PCCB: variants seen among roughly 807,000 people sequenced by gnomAD.
The protein encoded by PCCB is propionyl-CoA carboxylase subunit beta.
Under a neutral mutation model 60.7 loss-of-function variants are expected in PCCB, and 43 were observed. The observed-to-expected ratio is 0.71, with a 90% CI of 0.55 to 0.91. The LOEUF is 0.91. Ranked by LOEUF, PCCB falls within the 40% of genes least tolerant of loss-of-function variation. The probability of loss-of-function intolerance (pLI) is 0.00; values close to 1 mark genes in which losing one functional copy is unlikely to be tolerated. For synonymous variants in PCCB, 276 were observed against 255.9 expected, an observed-to-expected ratio of 1.08 and a Z score of -0.75; for missense variants, 766 against 702.8, an observed-to-expected ratio of 1.09 and a Z score of -1.02.
At chr3:136,260,640 G>A in intron 4 of PCCB, 105 bp downstream of exon 4, 2 of 937,746 alleles carry the variant, frequency 2.1e-6, no homozygotes, top group Non-Finnish European at 3.4e-6. Context: ...TTGGGGTAGG[G>A]CAGAGGTATG....
At chr3:136,303,477 A>G (rs1934358184) in intron 9 of PCCB, among the ~76,000 whole-genome samples, 1 of 122,212 alleles carries the variant, frequency 8.2e-6, no homozygotes, top group African/African-American at 2.5e-5. Flanking sequence ...CTGAAGTTGT[A>G]TATTCTGTTT....
chr3:136,321,190 T>G (rs1291198794), intron 10 of PCCB, among the ~76,000 whole-genome samples: 1 of 152,166 alleles, frequency 6.6e-6, no homozygotes, highest in Admixed American at 6.5e-5. Context: ...TATAACCTCT[T>G]TAAAAAAATA....
At chr3:136,258,558 C>T (rs1334253810) in intron 3 of PCCB, among the ~76,000 whole-genome samples, 1 of 152,070 alleles carries the variant, frequency 6.6e-6, no homozygotes, top group Non-Finnish European at 1.5e-5. Context: ...AGCTTCTGTT[C>T]TTCTGGGGAG....
At chr3:136,328,336 C>G (rs1935409387) in intron 13 of PCCB, among the ~76,000 whole-genome samples, 1 of 152,136 alleles carries the variant, frequency 6.6e-6, no homozygotes. Context: ...CGCCTCTGGC[C>G]ACCGAATTGT....
At chr3:136,293,530 A>T (rs538406963) in intron 6 of PCCB, among the ~76,000 whole-genome samples, 1 of 152,328 alleles carries the variant, frequency 6.6e-6, no homozygotes, top group East Asian at 1.9e-4. Context: ...CCACATTGCA[A>T]GTTAACTTCT....
At chr3:136,279,068 T>G (rs181515506) in intron 5 of PCCB, among the ~76,000 whole-genome samples, 156 of 152,348 alleles carry the variant, frequency 1.0e-3, no homozygotes, top group African/African-American at 3.6e-3. Flanking sequence ...CTAGTAAGTT[T>G]TTGATTTAAA....
intron 6 of PCCB, 50 bp downstream of exon 6, chr3:136,283,997 C>A (rs761709877): frequency 9.1e-7 from 1 of 1,104,132 alleles, no homozygotes. Flanking sequence ...TGTGCAGTTC[C>A]TTACCTGCAA....
At chr3:136,262,127 T>C in intron 5 of PCCB, 62 bp downstream of exon 5, 4 of 1,036,086 alleles carry the variant, frequency 3.9e-6, no homozygotes, top group Non-Finnish European at 4.4e-6. Flanking sequence ...AGCCATGGCC[T>C]GGCCAGAGCT....
chr3:136,302,593 T>C (rs1412634108), intron 9 of PCCB, among the ~76,000 whole-genome samples: 1 of 118,940 alleles, frequency 8.4e-6, no homozygotes, highest in Non-Finnish European at 1.9e-5. Flanking sequence ...CTTTAAGTTT[T>C]AGGGTACATG....
chr3:136,293,730 A>G (rs777413288), intron 6 of PCCB, 26 bp from the exon 7 acceptor site: 1 of 1,417,198 alleles, frequency 7.1e-7, no homozygotes, highest in Non-Finnish European at 1.0e-6. Context: ...TCTGAGGTTG[A>G]CTGTTCTGGA....
intron 10 of PCCB, among the ~76,000 whole-genome samples, chr3:136,318,437 G>A (rs956828540): frequency 2.0e-5 from 3 of 152,080 alleles, no homozygotes; most frequent in African/African-American, 7.2e-5. Context: ...TGTCTGTTTG[G>A]CCCATTTAAA....
At chr3:136,261,831 C>T (rs2290131) in intron 4 of PCCB, 121 bp from the exon 5 acceptor site, 188,528 of 715,222 alleles carry the variant, frequency 0.26, 29,490 homozygotes, top group East Asian at 0.54. Flanking sequence ...ACCAGTGTTA[C>T]TGCCTCCTGT....
intron 11 of PCCB, 58 bp from the exon 12 acceptor site, chr3:136,327,097 G>C: frequency 6.7e-7 from 1 of 1,490,690 alleles, no homozygotes; most frequent in African/African-American, 1.4e-5. Flanking sequence ...ACAGCTGAGA[G>C]TGGCAGGATA....
rs574858901 is a variant in PCCB, at chr3:136,315,454, G to A, written c.967-1487G>A. 2.0e-5 allele frequency among the ~76,000 whole-genome samples: 3 copies of A among 152,252 alleles called. No individual in the cohort carries two copies. The South Asian group carries it at 6.2e-4, about 32-fold the overall frequency. On this transcript the variant is annotated intron_variant, in intron 9 of 14. Transcript: ENST00000251654. ...GCTTAGGAGAATTGCTTGAACCCAG[G>A]GGGCGGAGATTGCAGTGAGCCGAGA...
At chr3:136,309,871 A>G (rs1454416888) in intron 9 of PCCB, among the ~76,000 whole-genome samples, 1 of 152,166 alleles carries the variant, frequency 6.6e-6, no homozygotes, top group Admixed American at 6.5e-5. Context: ...TTTAACAGAA[A>G]TTGATCCCAT....
chr3:136,289,407 T>C (rs1933571052), intron 6 of PCCB, among the ~76,000 whole-genome samples: 1 of 152,228 alleles, frequency 6.6e-6, no homozygotes, highest in Non-Finnish European at 1.5e-5. Context: ...ATAATAACTT[T>C]CCTTGGTCTG....
rs371016300 is a variant in PCCB, at chr3:136,260,250, A to T, written c.373-229A>T. 2.7e-5 allele frequency: 16 copies of T among 588,014 alleles called. No homozygotes were observed. Among genetic ancestry groups the T allele is most frequent in the East Asian group, 1.2e-4 (4 of 32,558 alleles). The allele number at this position is 588,014 out of a possible 1,614,324, so 36.4% of individuals were successfully genotyped here. A position where few individuals can be genotyped will look rare whatever the true frequency, so the allele number is the denominator to read the frequency against. On this transcript the variant is annotated intron_variant, in intron 3 of 14. Coordinates refer to ENST00000251654, the MANE Select transcript of PCCB (RefSeq NM_000532.5). ...CACCATGCGCAGCTAACTTTTTTCT[A>T]TATTTTTTGCAGATACGGGCTTCTG...
chr3:136,266,303 A>G (rs1941981597), intron 5 of PCCB, among the ~76,000 whole-genome samples: 2 of 151,638 alleles, frequency 1.3e-5, no homozygotes, highest in African/African-American at 4.9e-5. Flanking sequence ...TAATTTTGGT[A>G]TTTTTAGTGG....
intron 9 of PCCB, among the ~76,000 whole-genome samples, chr3:136,301,708 C>G (rs1409393941): frequency 6.6e-6 from 1 of 152,100 alleles, no homozygotes; most frequent in African/African-American, 2.4e-5. Flanking sequence ...ATCGTGATGG[C>G]TCTCTGGTAA....
Sources: gnomAD v4.1 joint callset for allele counts (sites outside exome capture counted in the v4.1 genomes callset) on GRCh38, gnomAD v4.1.1 for gene constraint, MANE v1.5 for transcripts, NCBI Gene and HGNC (gene_info 2026-07-23, HGNC 2026-07-21) for gene names.